The following OXCT1 variants were observed in gnomAD, a reference collection of about 807,000 sequenced individuals.
OXCT1 encodes succinyl-CoA:3-ketoacid coenzyme A transferase 1, mitochondrial.
OXCT1 carries 27 observed loss-of-function variants against 69.6 expected under a neutral mutation model. The observed-to-expected ratio is 0.39, with a 90% confidence interval of 0.29 to 0.54. The LOEUF (loss-of-function observed/expected upper bound fraction) is 0.54. Among genes scored for constraint, OXCT1 ranks in the 20% least tolerant of loss-of-function variants. The pLI is 0.72. For synonymous variants in OXCT1, 202 were observed against 217.8 expected (o/e 0.93, Z 0.64); for missense variants, 437 against 650.2 (o/e 0.67, Z 3.57).
At chr5:41,807,753 T>C (rs563269930) in intron 7 of OXCT1, among the ~76,000 whole-genome samples, 1 of 152,172 alleles carries the variant, frequency 6.6e-6, no homozygotes, top group South Asian at 2.1e-4. Context: ...CAGCTTGAAC[T>C]TTCACAAATT....
intron 7 of OXCT1, among the ~76,000 whole-genome samples, chr5:41,811,965 TAGATGTTATATTTGTAACAGA>T (rs1747006101): frequency 6.6e-6 from 1 of 152,036 alleles, no homozygotes; most frequent in African/African-American, 2.4e-5. Context: ...CCCAAAGATA[TAGATGTTATATTTGTAACAGA>T]AGTGACAAAA....
Position 41,790,829 on chromosome 5 carries a change from A to G in OXCT1, c.1248+3174T>C, listed in dbSNP as rs76615778. 8.0e-3 allele frequency among the ~76,000 whole-genome samples: 1,213 copies of G among 152,244 alleles called. 17 individuals are homozygous for G. Among genetic ancestry groups the G allele is most frequent in the African/African-American group, 0.028 (1,151 of 41,524 alleles). On this transcript the variant is annotated intron_variant, in intron 13 of 16. Transcript: ENST00000196371. Reference sequence around the variant, plus strand: ...GAAGGTAAGCTGTATCTTTATCCATAACCAATAAAAGAAAAAAAATGTGTC... The same window carrying G: ...GAAGGTAAGCTGTATCTTTATCCATGACCAATAAAAGAAAAAAAATGTGTC...
intron 10 of OXCT1, among the ~76,000 whole-genome samples, chr5:41,802,528 A>G (rs1318752350): frequency 6.6e-6 from 1 of 152,084 alleles, no homozygotes; most frequent in Non-Finnish European, 1.5e-5. Context: ...ATGAGATGAG[A>G]ACTTCTACAG....
intron 13 of OXCT1, among the ~76,000 whole-genome samples, chr5:41,785,328 T>C (rs1203582482): frequency 6.6e-6 from 1 of 152,194 alleles, no homozygotes; most frequent in Non-Finnish European, 1.5e-5. Context: ...CAGAACAGGC[T>C]AGGGGGAACT....
intron 5 of OXCT1, among the ~76,000 whole-genome samples, chr5:41,846,116 G>A (rs1179217822): frequency 6.6e-6 from 1 of 151,302 alleles, no homozygotes; most frequent in Non-Finnish European, 1.5e-5. Flanking sequence ...ATTTATGTAT[G>A]TATGTATGTA....
At chr5:41,867,581 T>C (rs34543169) in intron 1 of OXCT1, among the ~76,000 whole-genome samples, 25,219 of 152,202 alleles carry the variant, frequency 0.17, 2,815 homozygotes, top group Non-Finnish European at 0.24. Context: ...TTCCAGCTTA[T>C]ATACTGGATG....
intron 7 of OXCT1, among the ~76,000 whole-genome samples, chr5:41,821,871 C>T (rs1386594523): frequency 6.6e-6 from 1 of 152,168 alleles, no homozygotes; most frequent in Admixed American, 6.6e-5. Context: ...TATCTTCTCC[C>T]AAACCAGAGT....
At chr5:41,848,123 TTA>T (rs1221513663) in intron 5 of OXCT1, among the ~76,000 whole-genome samples, 6 of 147,954 alleles carry the variant, frequency 4.1e-5, no homozygotes, top group African/African-American at 1.5e-4. Flanking sequence ...ACAAGCATTC[TTA>T]TACACCAATA....
intron 11 of OXCT1, among the ~76,000 whole-genome samples, chr5:41,798,115 G>A (rs900040354): frequency 2.0e-5 from 3 of 152,094 alleles, no homozygotes; most frequent in African/African-American, 7.2e-5. Context: ...AAAATGGAAT[G>A]GAGCAGAATA....
At chr5:41,760,319 G>T (rs1261931079) in intron 14 of OXCT1, among the ~76,000 whole-genome samples, 1 of 152,060 alleles carries the variant, frequency 6.6e-6, no homozygotes, top group Non-Finnish European at 1.5e-5. Context: ...TTGTTGAAAT[G>T]AAACTATCTA....
At chr5:41,821,977 T>G (rs1195290293) in intron 7 of OXCT1, among the ~76,000 whole-genome samples, 1 of 152,206 alleles carries the variant, frequency 6.6e-6, no homozygotes, top group Non-Finnish European at 1.5e-5. Flanking sequence ...TCAGGGATCA[T>G]GTTTTTATCT....
chr5:41,820,236 T>C (rs75431323), intron 7 of OXCT1, among the ~76,000 whole-genome samples: 1,709 of 152,326 alleles, frequency 0.011, 30 homozygotes, highest in Middle Eastern at 0.034. Flanking sequence ...ATTTTTCACC[T>C]AGCAAGTTAT....
intron 13 of OXCT1, among the ~76,000 whole-genome samples, chr5:41,783,077 C>A (rs1183218774): frequency 1.3e-5 from 2 of 152,038 alleles, no homozygotes; most frequent in Admixed American, 6.6e-5. Flanking sequence ...TCAGATAATG[C>A]CGAAATGTTT....
chr5:41,853,504 C>A lies in OXCT1; in HGVS notation c.329G>T (p.Arg110Leu), dbSNP rs750016760. 1 of 1,613,674 alleles carries A rather than the reference C, an allele frequency of 6.2e-7. No individual in the cohort carries two copies. The highest frequency in any genetic ancestry group is 8.5e-7 in the Non-Finnish European group (1 of 1,179,704). The change falls in exon 4 of 17, where the codon CGC (arginine) becomes CTC (leucine). Residue 110 changes from arginine to leucine, a missense_variant. Transcript: ENST00000196371. ...GLLLRSKQIK[R>L]MVSSYVGENA... ...TTCTCCCACATATGAAGAGACCATGCGTTTTATCTGCTTGGACCGAAGCAA... is the reference window on the plus strand; with the variant it reads ...TTCTCCCACATATGAAGAGACCATGAGTTTTATCTGCTTGGACCGAAGCAA...
chr5:41,816,668 T>C (rs924286000), intron 7 of OXCT1, among the ~76,000 whole-genome samples: 18 of 152,150 alleles, frequency 1.2e-4, no homozygotes, highest in African/African-American at 3.1e-4. Context: ...ACTTCTGCCT[T>C]TTTTTCCTAT....
intron 11 of OXCT1, among the ~76,000 whole-genome samples, chr5:41,796,763 T>C (rs1285401054): frequency 3.3e-5 from 5 of 152,170 alleles, no homozygotes; most frequent in African/African-American, 1.2e-4. Flanking sequence ...ATGTAAGACG[T>C]AGTGGATTAA....
rs577205398 is a variant in OXCT1 at position 41,851,031 on chromosome 5, A to G, written c.415-852T>C. Among the ~76,000 whole-genome samples the G allele has an allele frequency of 2.6e-5, 4 of 152,326 alleles. No individual in the cohort carries two copies. The East Asian group carries it at 5.8e-4, about 22-fold the overall frequency. The stretch of plus-strand genomic sequence containing the variant: ...TAGTTAAAAATTGGGGCTGGACACC[A>G]TGGCTCATGCCTGTAAATCCCAGTG... On this transcript the variant is annotated intron_variant, in intron 4 of 16. Coordinates refer to ENST00000196371, the MANE Select transcript of OXCT1 (RefSeq NM_000436.4).
chr5:41,789,753 A>G (rs540960300), intron 13 of OXCT1, among the ~76,000 whole-genome samples: 42 of 152,314 alleles, frequency 2.8e-4, no homozygotes, highest in African/African-American at 9.6e-4. Context: ...TAAAGTTAAA[A>G]CAATGTCTAG....
At chr5:41,794,871 G>A in intron 11 of OXCT1, 122 bp from the exon 12 acceptor site, 3 of 1,006,582 alleles carry the variant, frequency 3.0e-6, no homozygotes, top group Non-Finnish European at 3.0e-6. Context: ...CCAAAATGCA[G>A]TGACATAGCA....
Sources: gnomAD v4.1 joint callset for allele counts (sites outside exome capture counted in the v4.1 genomes callset) on GRCh38, gnomAD v4.1.1 for gene constraint, MANE v1.5 for transcripts, NCBI Gene and HGNC (gene_info 2026-07-23, HGNC 2026-07-21) for gene names.